The following PCDHA13 variants were observed in gnomAD, a reference collection of about 807,000 sequenced individuals.
PCDHA13 encodes protocadherin alpha 13, also known as protocadherin alpha-13.
A neutral mutation model predicts 64.8 loss-of-function variants in PCDHA13; 54 were observed. The ratio of observed to expected loss-of-function variants is 0.83; its 90% CI spans 0.67 to 1.04. The LOEUF (loss-of-function observed/expected upper bound fraction) is 1.04. Among genes scored for constraint, PCDHA13 ranks in the 50% least tolerant of loss-of-function variants. The pLI is 0.00. For synonymous variants in PCDHA13, 587 were observed against 564.4 expected (o/e 1.04, Z -0.57); for missense variants, 1,248 against 1,254.3 (o/e 0.99, Z 0.08).
At chr5:141,000,415 ATATATATTTTTTTT>A (rs2097922429) in intron 3 of PCDHA13, among the ~76,000 whole-genome samples, 2 of 87,398 alleles carry the variant, frequency 2.3e-5, no homozygotes, top group Non-Finnish European at 4.3e-5. Flanking sequence ...ATATATATAT[ATATATATTTTTTTT>A]TTTTTTTTTT....
chr5:140,946,766 G>A (rs1554217856), intron 1 of PCDHA13, among the ~76,000 whole-genome samples: 1 of 151,394 alleles, frequency 6.6e-6, no homozygotes, highest in South Asian at 2.1e-4. Flanking sequence ...TCTCATTCAT[G>A]TGGAATGTAA....
chr5:140,982,649 G>T, intron 3 of PCDHA13, 86 bp downstream of exon 3: 2 of 1,504,320 alleles, frequency 1.3e-6, no homozygotes, highest in South Asian at 1.3e-5. Context: ...AATGTTGATG[G>T]CTCTTTTTCT....
At chr5:140,918,263 G>A (rs2078602453) in intron 1 of PCDHA13, among the ~76,000 whole-genome samples, 1 of 152,214 alleles carries the variant, frequency 6.6e-6, no homozygotes, top group East Asian at 1.9e-4. Context: ...TTTGCTGGAG[G>A]TTTTATCAGA....
At chr5:140,898,701 A>G (rs1216294301) in intron 1 of PCDHA13, among the ~76,000 whole-genome samples, 2 of 152,102 alleles carry the variant, frequency 1.3e-5, no homozygotes, top group African/African-American at 4.8e-5. Context: ...ATGAACTTTA[A>G]AGTAGTTTTT....
intron 1 of PCDHA13, among the ~76,000 whole-genome samples, chr5:140,895,738 C>A (rs1554186621): frequency 6.6e-6 from 1 of 152,108 alleles, no homozygotes; most frequent in Non-Finnish European, 1.5e-5. Context: ...CAATGGGCTG[C>A]AAAGGGCATG....
intron 1 of PCDHA13, among the ~76,000 whole-genome samples, chr5:140,924,916 T>A (rs551375956): frequency 7.0e-4 from 85 of 122,004 alleles, no homozygotes; most frequent in East Asian, 2.6e-3. Context: ...TAAAATAAAA[T>A]AAAATAAAAT....
At chr5:140,940,110 T>C (rs2092554073) in intron 1 of PCDHA13, among the ~76,000 whole-genome samples, 1 of 152,240 alleles carries the variant, frequency 6.6e-6, no homozygotes, top group Admixed American at 6.5e-5. Context: ...CGTTATGTAT[T>C]ATTTACCTCT....
rs1563650230 is a variant in PCDHA13, at chr5:141,000,393, C to CTA, written c.2543-9233_2543-9232insAT. Among the ~76,000 whole-genome samples, 150 of 52,842 alleles carry CTA rather than the reference C, an allele frequency of 2.8e-3. 1 individual carries two copies. The highest frequency in any genetic ancestry group is 4.0e-3 in the Non-Finnish European group (125 of 31,360). 34.7% of individuals were successfully genotyped at this position (52,842 alleles called of 152,430 possible). A position where few individuals can be genotyped will look rare whatever the true frequency, so the allele number is the denominator to read the frequency against. On this transcript the variant is annotated intron_variant, in intron 3 of 3. Coordinates refer to ENST00000289272, the MANE Select transcript of PCDHA13 (RefSeq NM_018904.3). ...TCTCTCTCTCTCTCTCTCTCTCTCT[C>CTA]TCTATATATATATATATATATATAT... is the stretch of plus-strand genomic sequence containing the variant.
At chr5:140,934,563 T>A (rs1017456946) in intron 1 of PCDHA13, among the ~76,000 whole-genome samples, 1 of 152,212 alleles carries the variant, frequency 6.6e-6, no homozygotes, top group African/African-American at 2.4e-5. Flanking sequence ...TTCTTTTTTT[T>A]AATTAATTGT....
At chr5:140,959,585 C>A (rs1363843588) in intron 1 of PCDHA13, among the ~76,000 whole-genome samples, 1 of 152,004 alleles carries the variant, frequency 6.6e-6, no homozygotes, top group Non-Finnish European at 1.5e-5. Context: ...TCAATTCTAT[C>A]AGCCAAGTAT....
At chr5:140,931,260 T>G (rs576177407) in intron 1 of PCDHA13, among the ~76,000 whole-genome samples, 1 of 152,156 alleles carries the variant, frequency 6.6e-6, no homozygotes, top group South Asian at 2.1e-4. Context: ...GAAATTTCAC[T>G]ATTTATTTCT....
intron 1 of PCDHA13, among the ~76,000 whole-genome samples, chr5:140,902,484 G>T (rs1211102117): frequency 3.3e-5 from 5 of 152,096 alleles, no homozygotes; most frequent in African/African-American, 1.2e-4. Context: ...TGCCTGCTCA[G>T]TATGATACTA....
At chr5:140,968,529 C>T in intron 1 of PCDHA13, 1 of 1,614,206 alleles carries the variant, frequency 6.2e-7, no homozygotes, top group Non-Finnish European at 8.5e-7. Flanking sequence ...ACCAACTCGT[C>T]AGCAGCCTTC....
chr5:140,884,396 C>CT lies in PCDHA13; in HGVS notation c.2129dup (p.Leu711ValfsTer56). On this transcript the variant is annotated frameshift_variant, in exon 1 of 4. Transcript: ENST00000289272. LOFTEE classifies it high-confidence loss of function. ...CATTGCCATCTGCGCGGTGTCCAGC[C>CT]TGTTGGTGCTCACGTTGCTGCTGTA... The CT allele has an allele frequency of 6.2e-7, 1 of 1,614,012 alleles. No individual in the cohort carries two copies. The highest frequency in any genetic ancestry group is 1.1e-5 in the South Asian group (1 of 91,084).
chr5:140,916,322 C>T (rs2077526281), intron 1 of PCDHA13, among the ~76,000 whole-genome samples: 1 of 152,066 alleles, frequency 6.6e-6, no homozygotes, highest in Non-Finnish European at 1.5e-5. Context: ...GACAAAGTCC[C>T]CTTTACTTTT....
chr5:140,993,087 G>T (rs1476981409), intron 3 of PCDHA13, among the ~76,000 whole-genome samples: 2 of 152,188 alleles, frequency 1.3e-5, no homozygotes, highest in African/African-American at 4.8e-5. Flanking sequence ...AATCAGCAGG[G>T]CTATGTTTAT....
At chr5:140,922,385 C>A (rs1267053151) in intron 1 of PCDHA13, among the ~76,000 whole-genome samples, 5 of 152,156 alleles carry the variant, frequency 3.3e-5, no homozygotes, top group Non-Finnish European at 7.4e-5. Context: ...AAACCAAAGA[C>A]TCCTTGTTTT....
At chr5:140,966,697 G>T (rs2096039921) in intron 1 of PCDHA13, 1 of 1,363,184 alleles carries the variant, frequency 7.3e-7, no homozygotes, top group Admixed American at 3.6e-5. Context: ...GCGGGGCCCG[G>T]GCGTGGGGCA....
chr5:141,010,321 G>C lies in PCDHA13; in HGVS notation c.*384G>C. On this transcript the variant is annotated 3_prime_UTR_variant, in exon 4 of 4. Transcript: ENST00000289272. Reference sequence around the variant, plus strand: ...GGCTGAAAAGTTTTGAGATTGAGCAGCTTGGGAGTTTGTGGCCACTGGGTA... The same window carrying C: ...GGCTGAAAAGTTTTGAGATTGAGCACCTTGGGAGTTTGTGGCCACTGGGTA... 7 of 1,541,244 alleles carry C rather than the reference G, an allele frequency of 4.5e-6. No homozygotes were observed. In the South Asian group the frequency reaches 8.5e-5, roughly 19 times the overall value.
Sources: gnomAD v4.1 joint callset for allele counts (sites outside exome capture counted in the v4.1 genomes callset) on GRCh38, gnomAD v4.1.1 for gene constraint, MANE v1.5 for transcripts, NCBI Gene and HGNC (gene_info 2026-07-23, HGNC 2026-07-21) for gene names.